Variants in RSRP1 observed in about 807,000 individuals in gnomAD.
RSRP1 encodes arginine and serine rich protein 1, also known as arginine/serine-rich protein 1.
Under a neutral mutation model 33.0 loss-of-function variants are expected in RSRP1, and 37 were observed. The ratio of observed to expected loss-of-function variants is 1.12; its 90% CI spans 0.86 to 1.48. RSRP1 has a LOEUF of 1.48. Ranked by LOEUF, RSRP1 falls within the 40% of genes most tolerant of loss-of-function variation. The pLI is 0.00. For synonymous variants in RSRP1, 167 were observed against 158.7 expected, an observed-to-expected ratio of 1.05 and a Z score of -0.40; for missense variants, 402 against 385.3, an observed-to-expected ratio of 1.04 and a Z score of -0.36.
At chr1:25,285,017 G>C (rs1641843748) in intron 1 of RSRP1, among the ~76,000 whole-genome samples, 1 of 134,640 alleles carries the variant, frequency 7.4e-6, no homozygotes, top group African/African-American at 2.6e-5. Flanking sequence ...TTTCTTTCCT[G>C]TTATTGTCGA....
intron 4 of RSRP1, 96 bp from the exon 5 acceptor site, chr1:25,242,801 G>A: frequency 1.1e-6 from 1 of 884,624 alleles, no homozygotes; most frequent in Non-Finnish European, 1.8e-6. Flanking sequence ...ATGAGCCTTA[G>A]AGATATTATC....
At chr1:25,274,433 T>C (rs567277337) in intron 1 of RSRP1, among the ~76,000 whole-genome samples, 3 of 132,388 alleles carry the variant, frequency 2.3e-5, no homozygotes, top group Admixed American at 7.3e-5. Flanking sequence ...CTAGGGTCCA[T>C]GTTCTTTACC....
rs1341474791 is a variant in RSRP1 at position 25,274,539 on chromosome 1, G to A, written c.-66-27510C>T. ...GGTCCACAACCCAGGCAGGGGAGACGATGGTGTCAGGGGAGGGAGGTGACT... is the reference window on the plus strand; with the variant it reads ...GGTCCACAACCCAGGCAGGGGAGACAATGGTGTCAGGGGAGGGAGGTGACT... On this transcript the variant is annotated intron_variant, in intron 1 of 1. Coordinates refer to the RSRP1 transcript ENST00000561867. Among the ~76,000 whole-genome samples, 5 of 132,874 alleles carry A rather than the reference G, an allele frequency of 3.8e-5. 2 individuals carry two copies. Among genetic ancestry groups the A allele is most frequent in the Admixed American group, 1.5e-4 (2 of 13,686 alleles). The allele number at this position is 132,874 out of a possible 152,430, so 87.2% of individuals were successfully genotyped here.
intron 1 of RSRP1, chr1:25,307,924 T>G (rs1293382234): frequency 1.1e-6 from 1 of 922,406 alleles, no homozygotes; most frequent in Non-Finnish European, 1.6e-6. Flanking sequence ...ACTGTGCAAT[T>G]CTAAGCAGAA....
chr1:25,245,448 C>A, intron 2 of RSRP1, 147 bp from the exon 3 acceptor site: 1 of 1,143,708 alleles, frequency 8.7e-7, no homozygotes, highest in Non-Finnish European at 1.2e-6. Flanking sequence ...TAAGGTTGCC[C>A]TTGAACACTA....
intron 1 of RSRP1, among the ~76,000 whole-genome samples, chr1:25,319,733 T>G (rs552737610): frequency 1.5e-5 from 2 of 132,412 alleles, no homozygotes; most frequent in South Asian, 4.6e-4. Flanking sequence ...TCTATGGGCC[T>G]GTCTGTATTT....
At chr1:25,329,788 GA>G (rs1644959376) in intron 1 of RSRP1, 2 of 129,532 alleles carry the variant, frequency 1.5e-5, no homozygotes, top group Admixed American at 7.5e-5. Context: ...CGAGTAGCTG[GA>G]ATTACAAGTG....
In RSRP1 at chr1:25,242,461, A is replaced by T. The variant is rs1638912464; in HGVS notation, c.*128T>A. ...TAATATTTGAGTGTTAAGTATTTACATCTTTTTGTGTTGGTTTTTAAATGC... is the reference window on the plus strand; with the variant it reads ...TAATATTTGAGTGTTAAGTATTTACTTCTTTTTGTGTTGGTTTTTAAATGC... On this transcript the variant is annotated 3_prime_UTR_variant, in exon 5 of 5. Transcript: ENST00000243189. The T allele has an allele frequency of 9.0e-5, 56 of 625,596 alleles. No individual in the cohort carries two copies. The South Asian group carries it at 1.2e-3, about 14-fold the overall frequency. The allele number at this position is 625,596 out of a possible 1,614,324, so 38.8% of individuals were successfully genotyped here.
At position 25,242,400 on chromosome 1, in the gene RSRP1, GCTAT is replaced by G. The variant is rs756812710; in HGVS notation, c.*185_*188del. ...TGTGCATAACCTTTGGTCCATCTGT[GCTAT>G]CTCTCATATCTGCAAGAGAAACCTA... On this transcript the variant is annotated 3_prime_UTR_variant, in exon 5 of 5. Coordinates refer to ENST00000243189, the MANE Select transcript of RSRP1 (RefSeq NM_020317.5). 6 of 470,218 alleles carry G rather than the reference GCTAT, an allele frequency of 1.3e-5. No individual in the cohort carries two copies. The highest frequency in any genetic ancestry group is 1.9e-5 in the Non-Finnish European group (5 of 260,026). 29.1% of individuals were successfully genotyped at this position (470,218 alleles called of 1,614,324 possible).
At chr1:25,335,907 G>T (rs1645069339) in intron 1 of RSRP1, 1 of 41,998 alleles carries the variant, frequency 2.4e-5, no homozygotes. Flanking sequence ...CAATCCTTGT[G>T]CTTCAGCCTC....
intron 1 of RSRP1, chr1:25,294,690 G>A: frequency 3.4e-6 from 2 of 592,670 alleles, no homozygotes; most frequent in Non-Finnish European, 6.4e-6. Flanking sequence ...AAATGGCAGG[G>A]ACTGTGAATA....
In RSRP1 at chr1:25,292,656, G is replaced by T. The variant is rs186522372; in HGVS notation, c.-67+45322C>A. On this transcript the variant is annotated intron_variant, in intron 1 of 1. Transcript: ENST00000561867. ...AGCGTTAGGGTTAAGGTTGGGGGAGGGGGGGTAGAGATGTGTATGAAACAT... is the reference window on the plus strand; with the variant it reads ...AGCGTTAGGGTTAAGGTTGGGGGAGTGGGGGTAGAGATGTGTATGAAACAT... 2.6e-3 allele frequency among the ~76,000 whole-genome samples: 341 copies of T among 129,748 alleles called. 91 individuals carry two copies. Among genetic ancestry groups the T allele is most frequent in the Non-Finnish European group, 5.1e-3 (277 of 54,672 alleles). 85.1% of individuals were successfully genotyped at this position (129,748 alleles called of 152,430 possible). A position where few individuals can be genotyped will look rare whatever the true frequency, so the allele number is the denominator to read the frequency against.
intron 1 of RSRP1, among the ~76,000 whole-genome samples, chr1:25,268,514 TAA>T (rs1335835928): frequency 8.1e-6 from 1 of 123,912 alleles, no homozygotes; most frequent in Non-Finnish European, 1.9e-5. Flanking sequence ...GTACTCCGTC[TAA>T]AAAAAAAACC....
In RSRP1 at chr1:25,286,954, G is replaced by A. The variant is rs1450111852; in HGVS notation, c.-66-39925C>T. Among the ~76,000 whole-genome samples the A allele has an allele frequency of 2.2e-5, 3 of 133,838 alleles. 1 individual carries two copies. Among genetic ancestry groups the A allele is most frequent in the African/African-American group, 7.8e-5 (3 of 38,476 alleles). 87.8% of individuals were successfully genotyped at this position (133,838 alleles called of 152,430 possible). On this transcript the variant is annotated intron_variant, in intron 1 of 1. Transcript: ENST00000561867. ...CTAAAAACACAAAAATTAGCTGGGTGTGGCGGCAGGCACCTGTAATCCCAG... is the reference window on the plus strand; with the variant it reads ...CTAAAAACACAAAAATTAGCTGGGTATGGCGGCAGGCACCTGTAATCCCAG...
At chr1:25,307,821 G>C in intron 1 of RSRP1, 1 of 1,302,762 alleles carries the variant, frequency 7.7e-7, no homozygotes, top group South Asian at 1.3e-5. Context: ...CAGTGGGTGA[G>C]ACATCCTTGC....
At chr1:25,267,985 G>A (rs1640373090) in intron 1 of RSRP1, 1 of 133,818 alleles carries the variant, frequency 7.5e-6, no homozygotes, top group South Asian at 2.3e-4. Flanking sequence ...CCGCATGCGC[G>A]ACTGAGCCGC....
chr1:25,300,333 A>G (rs1349707780), intron 1 of RSRP1, among the ~76,000 whole-genome samples: 5 of 129,654 alleles, frequency 3.9e-5, no homozygotes, highest in South Asian at 4.7e-4. Context: ...GCAACATAGC[A>G]AGATTCCATC....
rs533994281 is a variant in RSRP1, at chr1:25,320,569, G to A, written c.-67+17409C>T. 3.0e-4 allele frequency among the ~76,000 whole-genome samples: 39 copies of A among 131,650 alleles called. 4 individuals carry two copies. Among genetic ancestry groups the A allele is most frequent in the East Asian group, 2.0e-3 (10 of 5,098 alleles). The allele number at this position is 131,650 out of a possible 152,430, so 86.4% of individuals were successfully genotyped here. A position where few individuals can be genotyped will look rare whatever the true frequency, so the allele number is the denominator to read the frequency against. On this transcript the variant is annotated intron_variant, in intron 1 of 1. Transcript: ENST00000561867. ...GAAATACGAATCTCACTAAGCACTC[G>A]CCCATTCTTGTTAACGACACTGGAA...
Position 25,280,964 on chromosome 1 carries a change from G to A in RSRP1, c.-66-33935C>T, listed in dbSNP as rs1477702561. On this transcript the variant is annotated intron_variant, in intron 1 of 1. Coordinates refer to the RSRP1 transcript ENST00000561867. ...GGGCCCCAACTCTGCCCTTATCCAG[G>A]CAACTCTCCTCTCCCCATCTTCCAC... 1.7e-4 allele frequency among the ~76,000 whole-genome samples: 22 copies of A among 131,118 alleles called. 2 individuals are homozygous for A. The highest frequency in any genetic ancestry group is 5.5e-4 in the African/African-American group (21 of 38,288). The allele number at this position is 131,118 out of a possible 152,430, so 86.0% of individuals were successfully genotyped here.
Sources: allele counts gnomAD v4.1 joint callset (sites outside exome capture counted in the v4.1 genomes callset), GRCh38; gene constraint gnomAD v4.1.1; transcripts MANE v1.5; gene names NCBI Gene and HGNC (gene_info 2026-07-23, HGNC 2026-07-21).